Variants in ZRANB2 observed in about 807,000 individuals in gnomAD.
ZRANB2 encodes the protein zinc finger RANBP2-type containing 2, also known as zinc finger Ran-binding domain-containing protein 2.
A neutral mutation model predicts 53.4 loss-of-function variants in ZRANB2; 19 were observed. The observed-to-expected ratio is 0.36, with a 90% CI of 0.25 to 0.52. The LOEUF (loss-of-function observed/expected upper bound fraction) is 0.52, where lower values mean the gene tolerates loss of function less well. Among genes scored for constraint, ZRANB2 ranks in the 20% least tolerant of loss-of-function variants. The probability of loss-of-function intolerance (pLI) is 0.93; values close to 1 mark genes in which losing one functional copy is unlikely to be tolerated. For synonymous variants in ZRANB2, 145 were observed against 134.8 expected, an observed-to-expected ratio of 1.08 and a Z score of -0.52; for missense variants, 309 against 401.1, an observed-to-expected ratio of 0.77 and a Z score of 1.96.
At chr1:71,074,115 T>C (rs1012720754) in intron 4 of ZRANB2, among the ~76,000 whole-genome samples, 8 of 152,156 alleles carry the variant, frequency 5.3e-5, no homozygotes, top group African/African-American at 1.9e-4. Context: ...CTCAGGTAAC[T>C]CATCTTTCAC....
At chr1:71,078,420 T>A (rs1197462872) in intron 3 of ZRANB2, 37 bp downstream of exon 3, 2 of 1,564,216 alleles carry the variant, frequency 1.3e-6, no homozygotes, top group South Asian at 1.1e-5. Context: ...ATCTATTATT[T>A]TGGAAGAAAG....
chr1:71,073,646 G>A (rs1036518789), intron 4 of ZRANB2, among the ~76,000 whole-genome samples: 10 of 151,740 alleles, frequency 6.6e-5, no homozygotes, highest in South Asian at 2.1e-4. Flanking sequence ...TTAAACATAC[G>A]TGGGATCTAA....
intron 4 of ZRANB2, among the ~76,000 whole-genome samples, chr1:71,074,831 C>T (rs888243247): frequency 1.4e-4 from 22 of 152,112 alleles, no homozygotes; most frequent in African/African-American, 5.3e-4. Flanking sequence ...GGAAATGCTC[C>T]CCAAACCCTG....
At chr1:71,078,369 T>C (rs982774002) in intron 3 of ZRANB2, 88 bp downstream of exon 3, 80 of 1,103,138 alleles carry the variant, frequency 7.3e-5, no homozygotes, top group Non-Finnish European at 9.5e-5. Context: ...GGCTTGTCAA[T>C]GTCACTAATA....
In ZRANB2 at chr1:71,070,955, A is replaced by C; in HGVS notation, c.555T>G (p.Leu185=). Residue 185 remains leucine, a synonymous_variant, in exon 7 of 10, where the codon CTT becomes CTG. Coordinates refer to ENST00000370920, the MANE Select transcript of ZRANB2 (RefSeq NM_203350.3). ...EDDADLSKYN[L]DASEEEDSNK... Reference sequence around the variant, plus strand: ...TACTATCTTCTTCTTCACTGGCATCAAGATTATATTTTGAGAGATCAGCGT... The same window carrying C: ...TACTATCTTCTTCTTCACTGGCATCCAGATTATATTTTGAGAGATCAGCGT... 6.2e-7 allele frequency: 1 copy of C among 1,607,546 alleles called. No individual in the cohort carries two copies. The highest frequency in any genetic ancestry group is 8.5e-7 in the Non-Finnish European group (1 of 1,177,488).
intron 4 of ZRANB2, among the ~76,000 whole-genome samples, chr1:71,075,400 CA>C (rs545008253): frequency 6.8e-4 from 103 of 152,110 alleles, no homozygotes; most frequent in African/African-American, 2.1e-3. Flanking sequence ...GGTCAGGTCC[CA>C]GGGGTAAAAT....
chr1:71,069,223 C>T, intron 8 of ZRANB2, 53 bp downstream of exon 8: 2 of 1,450,260 alleles, frequency 1.4e-6, no homozygotes, highest in South Asian at 1.3e-5. Context: ...ACACCTTCTG[C>T]AGCCTTTAAA....
intron 8 of ZRANB2, 61 bp from the exon 9 acceptor site, chr1:71,066,995 T>TGG: frequency 6.8e-7 from 1 of 1,472,726 alleles, no homozygotes; most frequent in South Asian, 1.4e-5. Flanking sequence ...GAAGATTATT[T>TGG]AGTTATCAGA....
intron 1 of ZRANB2, among the ~76,000 whole-genome samples, chr1:71,079,821 C>G (rs1351492512): frequency 6.6e-6 from 1 of 152,118 alleles, no homozygotes; most frequent in Non-Finnish European, 1.5e-5. Flanking sequence ...TAATGTCTTA[C>G]CACTCAGAGC....
chr1:71,078,789 G>A, intron 1 of ZRANB2, 81 bp from the exon 2 acceptor site: 1 of 1,195,270 alleles, frequency 8.4e-7, no homozygotes, highest in Non-Finnish European at 1.2e-6. Flanking sequence ...TACATATCTG[G>A]AATTCATAAC....
At chr1:71,069,579 AAAGCCACTCAAC>A in intron 7 of ZRANB2, 1 of 344,258 alleles carries the variant, frequency 2.9e-6, no homozygotes. Context: ...AAATTACCCT[AAAGCCACTCAAC>A]TATAAAACAA....
rs548365023 is a variant in ZRANB2 at position 71,069,618 on chromosome 1, T to C, written c.684-256A>G. The C allele has an allele frequency of 1.8e-4, 43 of 245,256 alleles. No individual in the cohort carries two copies. The South Asian group carries it at 5.0e-3, about 28-fold the overall frequency. 15.2% of individuals were successfully genotyped at this position (245,256 alleles called of 1,614,324 possible). ...ATAAAACAAAACATTATCACTTTAT[T>C]ACAAAAACAATGAATACTTTGTTTA... is the stretch of plus-strand genomic sequence containing the variant. On this transcript the variant is annotated intron_variant, in intron 7 of 9. Coordinates refer to ENST00000370920, the MANE Select transcript of ZRANB2 (RefSeq NM_203350.3).
At chr1:71,069,207 G>T in intron 8 of ZRANB2, 69 bp downstream of exon 8, 1 of 1,283,810 alleles carries the variant, frequency 7.8e-7, no homozygotes, top group Non-Finnish European at 1.1e-6. Flanking sequence ...GGGAAAAAAA[G>T]CAGCAACACC....
chr1:71,072,660 C>T (rs1661619832), intron 4 of ZRANB2, 112 bp from the exon 5 acceptor site: 3 of 725,072 alleles, frequency 4.1e-6, no homozygotes, highest in Non-Finnish European at 4.6e-6. Flanking sequence ...TGGCTGCCTA[C>T]CCATCTAATA....
chr1:71,070,982 A>C lies in ZRANB2; in HGVS notation c.528T>G (p.Asp176Glu). The change falls in exon 7 of 10, where the codon GAT becomes GAG. Residue 176 changes from aspartate to glutamate, a missense_variant. By Grantham distance (45) the Asp-to-Glu change is conservative (BLOSUM62 2). Coordinates refer to ENST00000370920, the MANE Select transcript of ZRANB2 (RefSeq NM_203350.3). ...GATTATATTTTGAGAGATCAGCGTC[A>C]TCTTCATCCTCATCCTAACAAAAAT... ...KYKLDEDEDE[D>E]DADLSKYNLD... The C allele has an allele frequency of 6.3e-7, 1 of 1,577,980 alleles. No homozygotes were observed. Among genetic ancestry groups the C allele is most frequent in the Non-Finnish European group, 8.6e-7 (1 of 1,164,754 alleles).
chr1:71,072,659 AC>A (rs1661619877), intron 4 of ZRANB2, 111 bp from the exon 5 acceptor site: 2 of 728,424 alleles, frequency 2.7e-6, no homozygotes, highest in Non-Finnish European at 4.6e-6. Context: ...ATGGCTGCCT[AC>A]CCATCTAATA....
At chr1:71,075,798 A>C (rs996250124) in intron 4 of ZRANB2, among the ~76,000 whole-genome samples, 4 of 151,922 alleles carry the variant, frequency 2.6e-5, no homozygotes, top group Admixed American at 2.6e-4. Context: ...ACTTCCTAAG[A>C]ATAAGGCAGG....
intron 4 of ZRANB2, among the ~76,000 whole-genome samples, chr1:71,075,354 G>C (rs1435314484): frequency 3.3e-5 from 5 of 152,156 alleles, no homozygotes; most frequent in African/African-American, 1.2e-4. Flanking sequence ...TGTATGGTGA[G>C]TGGTACTAAT....
chr1:71,080,384 G>C (rs1661812314), intron 1 of ZRANB2, among the ~76,000 whole-genome samples: 1 of 152,060 alleles, frequency 6.6e-6, no homozygotes, highest in Non-Finnish European at 1.5e-5. Context: ...CCCAATTCTT[G>C]TGGAGAAATG....
Sources: allele counts gnomAD v4.1 joint callset (sites outside exome capture counted in the v4.1 genomes callset), GRCh38; gene constraint gnomAD v4.1.1; transcripts MANE v1.5; gene names NCBI Gene and HGNC (gene_info 2026-07-23, HGNC 2026-07-21).